OTUD7B: variants seen among roughly 807,000 people sequenced by gnomAD.
OTUD7B encodes the protein OTU domain-containing protein 7B.
OTUD7B carries 34 observed loss-of-function variants against 82.2 expected under a neutral mutation model. The ratio of observed to expected loss-of-function variants is 0.41; its 90% CI spans 0.31 to 0.55. The LOEUF (loss-of-function observed/expected upper bound fraction) is 0.55. OTUD7B is among the 20% of genes least tolerant of loss of function. The pLI is 0.20. For missense variants in OTUD7B, 944 were observed against 1,062.1 expected (o/e 0.89, Z 1.55); for synonymous variants, 398 against 402.7 (o/e 0.99, Z 0.14).
At chr1:150,022,722 C>T in the OTUD7B span, among the ~76,000 whole-genome samples, 8 of 152,150 alleles carry the variant, frequency 5.3e-5, no homozygotes, top group Non-Finnish European at 1.0e-4. Context: ...TTACCTGGGC[C>T]GATCAGTTAA....
At chr1:149,965,331 A>C (rs1649456436) in intron 5 of OTUD7B, among the ~76,000 whole-genome samples, 2 of 152,114 alleles carry the variant, frequency 1.3e-5, no homozygotes, top group African/African-American at 4.8e-5. Context: ...ACACCACTGT[A>C]CTCCAGCCTG....
intron 1 of OTUD7B, among the ~76,000 whole-genome samples, chr1:150,001,562 T>C (rs2101928694): frequency 6.6e-6 from 1 of 152,268 alleles, no homozygotes; most frequent in East Asian, 1.9e-4. Flanking sequence ...GTAACCAAGT[T>C]ATCTCCCCTA....
intron 11 of OTUD7B, among the ~76,000 whole-genome samples, chr1:149,945,497 C>T (rs1022581689): frequency 6.6e-6 from 1 of 152,146 alleles, no homozygotes; most frequent in East Asian, 1.9e-4. Flanking sequence ...ATGCCAAATT[C>T]TGCTCGAAAC....
At chr1:150,057,176 C>T in the OTUD7B span, among the ~76,000 whole-genome samples, 445 of 152,062 alleles carry the variant, frequency 2.9e-3, no homozygotes, top group African/African-American at 0.01. Flanking sequence ...ATTAGATAAA[C>T]CCATATTGAC....
the OTUD7B span, among the ~76,000 whole-genome samples, chr1:150,030,224 C>T: frequency 6.6e-6 from 1 of 152,170 alleles, no homozygotes; most frequent in Non-Finnish European, 1.5e-5. Context: ...AAAAGATGAC[C>T]TAATCTCCCA....
At chr1:150,037,385 A>G in the OTUD7B span, among the ~76,000 whole-genome samples, 3 of 152,178 alleles carry the variant, frequency 2.0e-5, no homozygotes, top group Admixed American at 2.0e-4. Context: ...ATACAGCTCC[A>G]AGAACAAAGA....
chr1:150,055,610 A>G, the OTUD7B span, among the ~76,000 whole-genome samples: 1 of 152,248 alleles, frequency 6.6e-6, no homozygotes, highest in African/African-American at 2.4e-5. Context: ...AGCACTGCGC[A>G]CAATAGCAAA....
chr1:150,020,325 C>T, the OTUD7B span, among the ~76,000 whole-genome samples: 2 of 152,132 alleles, frequency 1.3e-5, no homozygotes, highest in Admixed American at 1.3e-4. Flanking sequence ...CATTTGAGGT[C>T]AGGAGTTCGA....
chr1:150,017,802 T>G, the OTUD7B span, among the ~76,000 whole-genome samples: 1 of 152,350 alleles, frequency 6.6e-6, no homozygotes, highest in South Asian at 2.1e-4. Flanking sequence ...CTTTTTTCTT[T>G]GTGACTAATG....
chr1:149,974,531 TC>T (rs1371415226), intron 2 of OTUD7B, among the ~76,000 whole-genome samples: 10 of 145,300 alleles, frequency 6.9e-5, no homozygotes, highest in African/African-American at 1.8e-4. Flanking sequence ...TTATTTTTCT[TC>T]TTTTTTTTTC....
upstream of OTUD7B, among the ~76,000 whole-genome samples, chr1:150,014,085 T>TGTAC (rs1553788031): frequency 2.5e-4 from 2 of 7,862 alleles, no homozygotes; most frequent in Non-Finnish European, 5.5e-4. Context: ...TGTGTGTGTG[T>TGTAC]ATATATATAT....
Position 149,938,754 on chromosome 1 carries a change from TA to T in OTUD7B, c.*5102del, listed in dbSNP as rs1259993881. ...GCCAACATGGCGAAACCCCCGACTC[TA>T]ACTAAAAAAAAAAAAAAAAAAAAAA... is the stretch of plus-strand genomic sequence containing the variant. On this transcript the variant is annotated 3_prime_UTR_variant, in exon 12 of 12. Transcript: ENST00000581312. The T allele has an allele frequency of 1, 110,807 of 110,848 alleles. 55,383 individuals are homozygous for T. Among genetic ancestry groups the T allele is most frequent in the Middle Eastern group, 1 (194 of 194 alleles). 6.9% of individuals were successfully genotyped at this position (110,848 alleles called of 1,614,324 possible). A position where few individuals can be genotyped will look rare whatever the true frequency, so the allele number is the denominator to read the frequency against.
intron 1 of OTUD7B, among the ~76,000 whole-genome samples, chr1:149,987,667 C>T (rs1387155397): frequency 6.6e-6 from 1 of 152,084 alleles, no homozygotes; most frequent in Non-Finnish European, 1.5e-5. Flanking sequence ...CCTTTAAAAG[C>T]TTCCTCTACC....
chr1:149,988,799 A>C (rs1651366603), intron 1 of OTUD7B, among the ~76,000 whole-genome samples: 1 of 152,194 alleles, frequency 6.6e-6, no homozygotes, highest in Non-Finnish European at 1.5e-5. Context: ...GGCTCTCAAC[A>C]AATTCAACTT....
the OTUD7B span, among the ~76,000 whole-genome samples, chr1:150,033,059 CT>C: frequency 2.6e-5 from 4 of 151,922 alleles, no homozygotes; most frequent in Admixed American, 6.6e-5. Context: ...AGACATTTAA[CT>C]TTTTTTTGAC....
At chr1:150,027,529 C>G in the OTUD7B span, among the ~76,000 whole-genome samples, 1 of 152,104 alleles carries the variant, frequency 6.6e-6, no homozygotes, top group African/African-American at 2.4e-5. Context: ...AGAGGCTACA[C>G]TGAGCTGAGA....
chr1:150,013,937 A>ATAT (rs1553787932), upstream of OTUD7B, among the ~76,000 whole-genome samples: 30,203 of 81,670 alleles, frequency 0.37, 7,308 homozygotes, highest in Middle Eastern at 0.5. Context: ...AAAAAAAAAT[A>ATAT]ATATATATAT....
At chr1:150,041,360 T>A in the OTUD7B span, among the ~76,000 whole-genome samples, 2 of 152,206 alleles carry the variant, frequency 1.3e-5, no homozygotes, top group South Asian at 4.1e-4. Context: ...CGAGACAGAG[T>A]CTCACTCTGT....
At chr1:149,999,200 G>A (rs587615670) in intron 1 of OTUD7B, among the ~76,000 whole-genome samples, 63 of 152,228 alleles carry the variant, frequency 4.1e-4, no homozygotes, top group African/African-American at 1.5e-3. Context: ...TAATGAACTA[G>A]TATATTATAC....
Sources: gnomAD v4.1 joint callset for allele counts (sites outside exome capture counted in the v4.1 genomes callset) on GRCh38, gnomAD v4.1.1 for gene constraint, MANE v1.5 for transcripts, NCBI Gene and HGNC (gene_info 2026-07-23, HGNC 2026-07-21) for gene names.